MAPT: variants seen among roughly 807,000 people sequenced by gnomAD.
The protein encoded by MAPT is microtubule associated protein tau.
In MAPT, 34 loss-of-function variants were observed where a neutral mutation model predicts 67.9. The observed-to-expected ratio is 0.50, with a 90% CI of 0.38 to 0.67. The LOEUF is 0.67. MAPT is among the 30% of genes least tolerant of loss of function. The probability of loss-of-function intolerance (pLI) is 0.00; values close to 1 mark genes in which losing one functional copy is unlikely to be tolerated. For synonymous variants in MAPT, 456 were observed against 464.5 expected (o/e 0.98, Z 0.23); for missense variants, 881 against 1,115.2 (o/e 0.79, Z 2.99).
chr17:46,012,345 GA>G (rs1225448850), intron 10 of MAPT, among the ~76,000 whole-genome samples: 1 of 152,118 alleles, frequency 6.6e-6, no homozygotes, highest in Non-Finnish European at 1.5e-5. Context: ...GCTAGCCTGT[GA>G]CCCGCGCTGT....
chr17:45,904,081 TTATATATTTATATATTA>T (rs1568134733), intron 1 of MAPT, among the ~76,000 whole-genome samples: 32 of 36,002 alleles, frequency 8.9e-4, no homozygotes, highest in African/African-American at 2.5e-3. Context: ...TATTTATATA[TTATATATTTATATATTA>T]TATATATTTA....
Position 45,983,356 on chromosome 17 carries a change from C to A in MAPT, c.777C>A (p.Ala259=). 4 of 1,607,844 alleles carry A rather than the reference C, an allele frequency of 2.5e-6. No individual in the cohort carries two copies. In the South Asian group the frequency reaches 4.4e-5, roughly 18 times the overall value. The change falls in exon 5 of 13, where the codon GCC becomes GCA. Residue 259 remains alanine, a synonymous_variant. Coordinates refer to ENST00000262410, the MANE Select transcript of MAPT (RefSeq NM_001377265.1). The part of the protein sequence containing the change: ...GPEDTEGGRH[A]PELLKHQLLG... ...AGGACACAGAGGGCGGCCGCCACGC[C>A]CCTGAGCTGCTCAAGCACCAGCTTC...
intron 2 of MAPT, among the ~76,000 whole-genome samples, chr17:45,967,492 G>A (rs1017694326): frequency 5.9e-5 from 9 of 152,324 alleles, no homozygotes; most frequent in African/African-American, 2.2e-4. Flanking sequence ...GCAGTTTGCA[G>A]GCTTTTGCAA....
At chr17:45,929,921 A>G (rs924255590) in intron 1 of MAPT, among the ~76,000 whole-genome samples, 1 of 152,138 alleles carries the variant, frequency 6.6e-6, no homozygotes, top group Non-Finnish European at 1.5e-5. Context: ...GGGAGCAGAT[A>G]ATGGGTATCC....
intron 2 of MAPT, among the ~76,000 whole-genome samples, chr17:45,967,346 G>A (rs2071191234): frequency 1.3e-5 from 2 of 152,214 alleles, no homozygotes; most frequent in Admixed American, 6.5e-5. Context: ...GCTCAAGCTG[G>A]GGACAGATTG....
At chr17:45,935,293 A>G (rs1022965120) in intron 1 of MAPT, among the ~76,000 whole-genome samples, 1 of 151,502 alleles carries the variant, frequency 6.6e-6, no homozygotes, top group Non-Finnish European at 1.5e-5. Flanking sequence ...CCAGCCCCCT[A>G]ATTTCTCTCA....
intron 1 of MAPT, among the ~76,000 whole-genome samples, chr17:45,935,090 C>A (rs1166295694): frequency 1.3e-5 from 2 of 152,128 alleles, no homozygotes; most frequent in African/African-American, 4.8e-5. Flanking sequence ...TATCCAAGAG[C>A]CCCTCATGAG....
intron 9 of MAPT, among the ~76,000 whole-genome samples, chr17:46,001,208 G>A (rs1423646324): frequency 6.6e-6 from 1 of 152,166 alleles, no homozygotes; most frequent in Admixed American, 6.6e-5. Context: ...CAGCCTGGGC[G>A]AGACCCTGTA....
intron 1 of MAPT, among the ~76,000 whole-genome samples, chr17:45,925,395 C>T (rs1200364737): frequency 3.3e-5 from 5 of 152,234 alleles, no homozygotes; most frequent in African/African-American, 4.8e-5. Context: ...GGGAAGCTCC[C>T]ATACAATGCT....
At chr17:45,907,209 G>A (rs1185125303) in intron 1 of MAPT, among the ~76,000 whole-genome samples, 4 of 152,048 alleles carry the variant, frequency 2.6e-5, no homozygotes, top group Admixed American at 2.0e-4. Flanking sequence ...CATAGATGCC[G>A]TGCTCTTTCT....
chr17:45,955,168 G>A (rs144469192), intron 1 of MAPT, among the ~76,000 whole-genome samples: 1 of 152,256 alleles, frequency 6.6e-6, no homozygotes, highest in African/African-American at 2.4e-5. Context: ...CCCTTGTCCA[G>A]CTGCCTTCCC....
At chr17:45,903,607 C>G (rs1474670995) in intron 1 of MAPT, among the ~76,000 whole-genome samples, 1 of 143,236 alleles carries the variant, frequency 7.0e-6, no homozygotes, top group Non-Finnish European at 1.5e-5. Flanking sequence ...CCCAGCTACT[C>G]GAGAGGCTGA....
At chr17:46,006,566 A>C (rs1396968508) in intron 9 of MAPT, among the ~76,000 whole-genome samples, 1 of 152,142 alleles carries the variant, frequency 6.6e-6, no homozygotes, top group Admixed American at 6.6e-5. Flanking sequence ...ATTTAAAAAC[A>C]ACTAAAAGAG....
intron 1 of MAPT, among the ~76,000 whole-genome samples, chr17:45,957,576 CTG>C (rs576389675): frequency 6.4e-4 from 98 of 152,328 alleles, no homozygotes; most frequent in African/African-American, 2.3e-3. Context: ...CACATCTCTG[CTG>C]TGAGCCCCAG....
intron 1 of MAPT, among the ~76,000 whole-genome samples, chr17:45,913,323 A>G (rs753333286): frequency 6.6e-6 from 1 of 152,234 alleles, no homozygotes; most frequent in African/African-American, 2.4e-5. Context: ...TCAAGAGAAC[A>G]GCACAGAAAA....
Position 45,936,683 on chromosome 17 carries a change from C to T in MAPT, c.-17-25638C>T, listed in dbSNP as rs180822816. Among the ~76,000 whole-genome samples, 254 of 152,292 alleles carry T rather than the reference C, an allele frequency of 1.7e-3. 1 individual carries two copies. Among genetic ancestry groups the T allele is most frequent in the African/African-American group, 5.9e-3 (246 of 41,570 alleles). ...GATCTTAACTGAAGAGACTAATGGA[C>T]GGGTCTGAATTTGTGCCTTTTAAGC... On this transcript the variant is annotated intron_variant, in intron 1 of 12. Transcript: ENST00000262410.
intron 2 of MAPT, among the ~76,000 whole-genome samples, chr17:45,963,799 C>T (rs748665359): frequency 1.2e-4 from 19 of 152,076 alleles, no homozygotes; most frequent in Non-Finnish European, 2.6e-4. Flanking sequence ...AGCTTTCTCG[C>T]ACAGGGAGTG....
intron 9 of MAPT, among the ~76,000 whole-genome samples, chr17:46,004,923 G>T (rs1045883143): frequency 3.3e-5 from 5 of 152,070 alleles, no homozygotes; most frequent in Non-Finnish European, 1.5e-5. Context: ...AGCTGGGACT[G>T]CAGGTGCCCG....
In MAPT at chr17:46,008,742, C is replaced by T. The variant is rs557172962; in HGVS notation, c.1999-1568C>T. ...GGAGTTCCAACCCCAGATCCGACAGCCCAGGCTGATGGGGCCTCCAGGGCA... is the reference window on the plus strand; with the variant it reads ...GGAGTTCCAACCCCAGATCCGACAGTCCAGGCTGATGGGGCCTCCAGGGCA... On this transcript the variant is annotated intron_variant, in intron 9 of 12. Transcript: ENST00000262410. 1.2e-4 allele frequency among the ~76,000 whole-genome samples: 19 copies of T among 152,298 alleles called. No individual in the cohort carries two copies. The South Asian group carries it at 3.9e-3, about 32-fold the overall frequency.
Sources: allele counts gnomAD v4.1 joint callset (sites outside exome capture counted in the v4.1 genomes callset), GRCh38; gene constraint gnomAD v4.1.1; transcripts MANE v1.5; gene names NCBI Gene and HGNC (gene_info 2026-07-23, HGNC 2026-07-21).